PPAT: variants seen among roughly 807,000 people sequenced by gnomAD.
PPAT encodes the protein amidophosphoribosyltransferase.
In PPAT, 20 loss-of-function variants were observed where a neutral mutation model predicts 60.2. That is an observed-to-expected ratio of 0.33 (90% CI 0.23 to 0.48). The LOEUF (loss-of-function observed/expected upper bound fraction) is 0.48. Ranked by LOEUF, PPAT falls within the 20% of genes least tolerant of loss-of-function variation. The pLI, the probability that PPAT is intolerant of heterozygous loss-of-function variation, is 0.99. For missense variants in PPAT, 349 were observed against 629.6 expected, an observed-to-expected ratio of 0.55 and a Z score of 4.77; for synonymous variants, 194 against 215.1, an observed-to-expected ratio of 0.90 and a Z score of 0.86.
chr4:56,405,047 G>A (rs1716211209), intron 3 of PPAT, among the ~76,000 whole-genome samples: 1 of 150,648 alleles, frequency 6.6e-6, no homozygotes, highest in African/African-American at 2.4e-5. Context: ...ATGAATGCCT[G>A]AATGGATAAA....
chr4:56,395,656 TCTC>T, intron 10 of PPAT, 108 bp from the exon 11 acceptor site: 1 of 785,614 alleles, frequency 1.3e-6, no homozygotes, highest in Non-Finnish European at 1.8e-6. Context: ...AGGATAAATT[TCTC>T]CTTTAGCCTT....
chr4:56,402,460 G>A (rs777378850), intron 5 of PPAT, among the ~76,000 whole-genome samples: 1 of 152,038 alleles, frequency 6.6e-6, no homozygotes, highest in Non-Finnish European at 1.5e-5. Context: ...AAAAAGCTAG[G>A]CAAAGGACAT....
At chr4:56,418,164 G>C (rs1016500818) in intron 1 of PPAT, among the ~76,000 whole-genome samples, 8 of 151,946 alleles carry the variant, frequency 5.3e-5, no homozygotes, top group Non-Finnish European at 8.8e-5. Flanking sequence ...CAAACAAAAT[G>C]TTAATGTCAT....
chr4:56,418,126 C>T (rs886336537), intron 1 of PPAT, among the ~76,000 whole-genome samples: 1 of 151,886 alleles, frequency 6.6e-6, no homozygotes, highest in Admixed American at 6.6e-5. Flanking sequence ...CGTGAGCCAC[C>T]GCACCTGGCT....
intron 1 of PPAT, among the ~76,000 whole-genome samples, chr4:56,417,138 T>G (rs771221994): frequency 6.6e-6 from 1 of 152,156 alleles, no homozygotes. Context: ...CGTGAGCCAC[T>G]GCACCCGGCC....
At chr4:56,406,252 A>G (rs917530104) in intron 3 of PPAT, among the ~76,000 whole-genome samples, 1 of 152,204 alleles carries the variant, frequency 6.6e-6, no homozygotes, top group African/African-American at 2.4e-5. Flanking sequence ...AAATCTCTAA[A>G]GCAGTGCATT....
intron 5 of PPAT, 123 bp from the exon 6 acceptor site, chr4:56,402,304 TA>T (rs1266003198): frequency 3.5e-6 from 2 of 578,520 alleles, no homozygotes; most frequent in African/African-American, 3.8e-5. Flanking sequence ...TCTATGACTT[TA>T]AGAGCACATG....
At chr4:56,434,690 A>G (rs1351562889) in intron 1 of PPAT, among the ~76,000 whole-genome samples, 2 of 152,188 alleles carry the variant, frequency 1.3e-5, no homozygotes, top group Non-Finnish European at 2.9e-5. Flanking sequence ...ACGTCTACCA[A>G]TGAATCTTTT....
chr4:56,413,645 C>T (rs532836403), intron 1 of PPAT, among the ~76,000 whole-genome samples: 1 of 152,084 alleles, frequency 6.6e-6, no homozygotes, highest in East Asian at 1.9e-4. Flanking sequence ...CCTGTAATCC[C>T]AGCACTTTGG....
intron 1 of PPAT, among the ~76,000 whole-genome samples, chr4:56,427,099 A>G (rs1351753484): frequency 1.3e-5 from 2 of 152,204 alleles, no homozygotes; most frequent in Non-Finnish European, 2.9e-5. Context: ...ATTCCATTGT[A>G]TGGATACACC....
At position 56,394,054 on chromosome 4, in the gene PPAT, T is replaced by C. The variant is rs928036524; in HGVS notation, c.*1298A>G. ...TAAATGGATCTGGACACTATATACA[T>C]CAAATTATGGTAACATAACAGAAAC... On this transcript the variant is annotated 3_prime_UTR_variant, in exon 11 of 11. Transcript: ENST00000264220. 6.6e-6 allele frequency: 1 copy of C among 152,190 alleles called. No individual in the cohort carries two copies. The highest frequency in any genetic ancestry group is 1.5e-5 in the Non-Finnish European group (1 of 68,022). 9.4% of individuals were successfully genotyped at this position (152,190 alleles called of 1,614,324 possible).
In PPAT at chr4:56,435,366, C is replaced by A. The variant is rs749162002; in HGVS notation, c.112G>T (p.Val38Leu). The A allele has an allele frequency of 1.2e-6, 2 of 1,613,752 alleles. No individual in the cohort carries two copies. Among genetic ancestry groups the A allele is most frequent in the Admixed American group, 3.3e-5 (2 of 60,002 alleles). Residue 38 changes from valine (V) to leucine (L), a missense_variant, in exon 1 of 11, where the codon GTG becomes TTG. By Grantham distance (32) the Val-to-Leu change is conservative (BLOSUM62 1). This residue lies in a region of PPAT where 115 missense variants were observed against 174.5 expected (regional missense o/e 0.66). Transcript: ENST00000264220. ...DVPHVITLGL[V>L]GLQHRGQESA... ...GTTGCTCACCGGTGCTGCAGCCCCA[C>A]GAGTCCCAGAGTGATCACATGCGGT... is the stretch of plus-strand genomic sequence containing the variant.
At chr4:56,412,290 C>T (rs1433182831) in intron 1 of PPAT, among the ~76,000 whole-genome samples, 1 of 151,648 alleles carries the variant, frequency 6.6e-6, no homozygotes, top group Non-Finnish European at 1.5e-5. Flanking sequence ...CAAAATCAAA[C>T]TCTCTATTCT....
In PPAT at chr4:56,403,195, A is replaced by G. The variant is rs1716161365; in HGVS notation, c.516-10T>C. The stretch of plus-strand genomic sequence containing the variant: ...CATCAAGTTTTTAATCCTGGAATTA[A>G]TTAAATAATTGAATGAATAACTTCA... On this transcript the variant is annotated splice_polypyrimidine_tract_variant and intron_variant, in intron 4 of 10. Transcript: ENST00000264220. 6 of 1,583,644 alleles carry G rather than the reference A, an allele frequency of 3.8e-6. No individual in the cohort carries two copies. In the South Asian group the frequency reaches 5.6e-5, roughly 15 times the overall value.
chr4:56,432,535 A>C (rs560981520), intron 1 of PPAT, among the ~76,000 whole-genome samples: 3 of 151,598 alleles, frequency 2.0e-5, no homozygotes, highest in Non-Finnish European at 2.9e-5. Context: ...CAAAAAAAAA[A>C]AAAAAAAAGG....
chr4:56,399,507 A>G lies in PPAT; in HGVS notation c.1015-107T>C, dbSNP rs115257696. On this transcript the variant is annotated intron_variant, in intron 8 of 10. Coordinates refer to ENST00000264220, the MANE Select transcript of PPAT (RefSeq NM_002703.5). ...AATATTCAAGTAAAATTTCAAAATA[A>G]TTTTCCTTTATTATTTGGAAAAAAG... 2,910 of 905,436 alleles carry G rather than the reference A, an allele frequency of 3.2e-3. 73 individuals carry two copies. In the African/African-American group the frequency reaches 0.044, roughly 14 times the overall value. 56.1% of individuals were successfully genotyped at this position (905,436 alleles called of 1,614,324 possible).
intron 1 of PPAT, among the ~76,000 whole-genome samples, chr4:56,431,236 T>C (rs1253320131): frequency 6.6e-6 from 1 of 152,176 alleles, no homozygotes. Context: ...AAAATCAAAA[T>C]TAAGTAAGAT....
At chr4:56,434,858 C>T (rs183655799) in intron 1 of PPAT, among the ~76,000 whole-genome samples, 161 of 152,376 alleles carry the variant, frequency 1.1e-3, no homozygotes, top group Non-Finnish European at 6.2e-4. Context: ...AACCCATAAT[C>T]TGCTCAATAG....
chr4:56,403,375 A>G lies in PPAT; in HGVS notation c.429T>C (p.Ser143=), dbSNP rs929260876. 1 of 1,613,764 alleles carries G rather than the reference A, an allele frequency of 6.2e-7. No individual in the cohort carries two copies. Among genetic ancestry groups the G allele is most frequent in the Middle Eastern group, 1.6e-4 (1 of 6,062 alleles). Residue 143 remains serine (S), a synonymous_variant, in exon 4 of 11, where the codon TCT becomes TCC. Transcript: ENST00000264220. ...TAATCATTTCACTATCAGAACTTGTAGACAGACCAATACCATGACGCAGAA... is the reference window on the plus strand; with the variant it reads ...TAATCATTTCACTATCAGAACTTGTGGACAGACCAATACCATGACGCAGAA... The part of the protein sequence containing the change: ...KKLLRHGIGL[S]TSSDSEMITQ...
Sources: allele counts gnomAD v4.1 joint callset (sites outside exome capture counted in the v4.1 genomes callset), GRCh38; gene constraint gnomAD v4.1.1; regional missense constraint gnomAD v4.1.1; transcripts MANE v1.5; gene names NCBI Gene and HGNC (gene_info 2026-07-23, HGNC 2026-07-21).